The following NRXN3 variants were observed in gnomAD, a reference collection of about 807,000 sequenced individuals.
NRXN3 encodes neurexin 3.
Under a neutral mutation model 137.6 loss-of-function variants are expected in NRXN3, and 32 were observed. The ratio of observed to expected loss-of-function variants is 0.23; its 90% CI spans 0.18 to 0.31. The LOEUF is 0.31. Among genes scored for constraint, NRXN3 ranks in the 10% least tolerant of loss-of-function variants. NRXN3 has a pLI of 1.00. For missense variants in NRXN3, 1,574 were observed against 2,062.5 expected (o/e 0.76, Z 4.59); for synonymous variants, 798 against 784.5 (o/e 1.02, Z -0.29).
chr14:78,729,455 T>A (rs1374670826), intron 8 of NRXN3, among the ~76,000 whole-genome samples: 1 of 152,144 alleles, frequency 6.6e-6, no homozygotes, highest in African/African-American at 2.4e-5. Flanking sequence ...GAGAAATACA[T>A]TGGGATGGAA....
intron 4 of NRXN3, among the ~76,000 whole-genome samples, chr14:78,325,425 T>G (rs2079946568): frequency 6.6e-6 from 1 of 150,770 alleles, no homozygotes; most frequent in Admixed American, 6.6e-5. Flanking sequence ...CCTCTACTAC[T>G]GAATCTGTAA....
chr14:78,684,861 G>A (rs367687372), intron 6 of NRXN3, among the ~76,000 whole-genome samples: 1 of 152,130 alleles, frequency 6.6e-6, no homozygotes, highest in South Asian at 2.1e-4. Flanking sequence ...CTGAATTTGT[G>A]TAAGTTATAC....
chr14:78,919,941 C>T (rs574103630), intron 10 of NRXN3, among the ~76,000 whole-genome samples: 1 of 152,250 alleles, frequency 6.6e-6, no homozygotes, highest in Admixed American at 6.5e-5. Context: ...GAAGGTATGC[C>T]ATTCTCTGAA....
chr14:78,833,593 G>T (rs2152413914), intron 10 of NRXN3, among the ~76,000 whole-genome samples: 1 of 152,156 alleles, frequency 6.6e-6, no homozygotes, highest in South Asian at 2.1e-4. Flanking sequence ...GGGAATCTTG[G>T]GTCAGGAAAA....
intron 15 of NRXN3, among the ~76,000 whole-genome samples, chr14:79,073,999 A>G (rs2099691871): frequency 6.6e-6 from 1 of 152,356 alleles, no homozygotes; most frequent in East Asian, 1.9e-4. Context: ...GGTAGGCACA[A>G]TATACATTTT....
At chr14:79,456,835 T>G (rs749450741) in intron 15 of NRXN3, among the ~76,000 whole-genome samples, 7 of 151,900 alleles carry the variant, frequency 4.6e-5, no homozygotes, top group South Asian at 2.1e-4. Flanking sequence ...ACAATATAGA[T>G]TATAAAAACT....
intron 4 of NRXN3, among the ~76,000 whole-genome samples, chr14:78,534,460 T>C (rs138074570): frequency 6.6e-6 from 1 of 152,246 alleles, no homozygotes; most frequent in Admixed American, 6.5e-5. Context: ...GAAAGTGGAA[T>C]GAGTGTGCAT....
intron 4 of NRXN3, among the ~76,000 whole-genome samples, chr14:78,534,577 T>A (rs2096512597): frequency 1.3e-5 from 2 of 152,204 alleles, no homozygotes; most frequent in South Asian, 2.1e-4. Context: ...TTCTTTAACA[T>A]GTATTTCTAG....
At chr14:79,268,147 A>G (rs143516457) in intron 15 of NRXN3, among the ~76,000 whole-genome samples, 383 of 152,336 alleles carry the variant, frequency 2.5e-3, no homozygotes, top group African/African-American at 8.8e-3. Flanking sequence ...ATTTACTCCC[A>G]TGGAACATAC....
intron 19 of NRXN3, among the ~76,000 whole-genome samples, chr14:79,769,539 T>G (rs1041809578): frequency 2.0e-5 from 3 of 151,928 alleles, no homozygotes; most frequent in Admixed American, 6.6e-5. Flanking sequence ...CATAAGTGAA[T>G]TAGAAATAAA....
intron 4 of NRXN3, among the ~76,000 whole-genome samples, chr14:78,357,123 G>A (rs1253224221): frequency 2.0e-5 from 3 of 152,170 alleles, no homozygotes; most frequent in African/African-American, 7.2e-5. Flanking sequence ...AGACATACCT[G>A]CGACTTGGCA....
chr14:79,323,814 C>T (rs12889700), intron 15 of NRXN3, among the ~76,000 whole-genome samples: 6 of 151,926 alleles, frequency 3.9e-5, no homozygotes, highest in African/African-American at 1.2e-4. Context: ...GCCTAGATTG[C>T]GCCACTGCAC....
intron 8 of NRXN3, among the ~76,000 whole-genome samples, chr14:78,775,791 T>C (rs2098743102): frequency 6.6e-6 from 1 of 152,220 alleles, no homozygotes; most frequent in African/African-American, 2.4e-5. Context: ...AATACTCTAC[T>C]CCCCTTTTAT....
intron 8 of NRXN3, among the ~76,000 whole-genome samples, chr14:78,721,700 C>T (rs566069432): frequency 3.4e-4 from 52 of 152,206 alleles, no homozygotes; most frequent in Admixed American, 2.9e-3. Flanking sequence ...ATTAACGAAT[C>T]GAACCTTAGA....
At chr14:78,882,894 C>A (rs1252508514) in intron 10 of NRXN3, among the ~76,000 whole-genome samples, 1 of 151,500 alleles carries the variant, frequency 6.6e-6, no homozygotes, top group African/African-American at 2.4e-5. Flanking sequence ...TCCCATAATC[C>A]CCATGTGTTA....
At chr14:78,267,182 A>T (rs8019966) in intron 2 of NRXN3, among the ~76,000 whole-genome samples, 6,069 of 152,284 alleles carry the variant, frequency 0.04, 351 homozygotes, top group African/African-American at 0.13. Flanking sequence ...GTCATTAAGC[A>T]TTTTATATAC....
At chr14:78,233,573 G>A (rs1022624034) in intron 1 of NRXN3, among the ~76,000 whole-genome samples, 2 of 150,602 alleles carry the variant, frequency 1.3e-5, no homozygotes, top group African/African-American at 4.9e-5. Flanking sequence ...GAGGTAATCT[G>A]CTTCTAAGAT....
chr14:79,054,553 C>T (rs184194716), intron 15 of NRXN3, among the ~76,000 whole-genome samples: 2 of 152,296 alleles, frequency 1.3e-5, no homozygotes, highest in African/African-American at 4.8e-5. Context: ...TGCAAGGAGT[C>T]CTACTCCAGC....
intron 10 of NRXN3, among the ~76,000 whole-genome samples, chr14:78,877,058 A>C (rs1017334346): frequency 6.6e-6 from 1 of 152,206 alleles, no homozygotes; most frequent in Non-Finnish European, 1.5e-5. Context: ...TGGTGTTCAG[A>C]ATATTTCATT....
Sources: gnomAD v4.1 joint callset for allele counts (sites outside exome capture counted in the v4.1 genomes callset) on GRCh38, gnomAD v4.1.1 for gene constraint, MANE v1.5 for transcripts, NCBI Gene and HGNC (gene_info 2026-07-23, HGNC 2026-07-21) for gene names.